Variants in TSPAN5 observed in about 807,000 individuals in gnomAD.
TSPAN5 encodes tetraspanin-5.
In TSPAN5, 10 loss-of-function variants were observed where a neutral mutation model predicts 37.1. That is an observed-to-expected ratio of 0.27 (90% CI 0.17 to 0.46). The LOEUF (loss-of-function observed/expected upper bound fraction) is 0.46. Ranked by LOEUF, TSPAN5 falls within the 20% of genes least tolerant of loss-of-function variation. The probability of loss-of-function intolerance (pLI) is 1.00; values close to 1 mark genes in which losing one functional copy is unlikely to be tolerated. For synonymous variants in TSPAN5, 110 were observed against 118.9 expected, an observed-to-expected ratio of 0.93 and a Z score of 0.48; for missense variants, 195 against 326.6, an observed-to-expected ratio of 0.60 and a Z score of 3.11.
At chr4:98,655,890 G>A (rs539839054) in intron 1 of TSPAN5, among the ~76,000 whole-genome samples, 1 of 152,328 alleles carries the variant, frequency 6.6e-6, no homozygotes, top group East Asian at 1.9e-4. Context: ...GAGGCAGAGA[G>A]CAGGATAGGA....
chr4:98,588,275 C>T (rs1200766661), intron 1 of TSPAN5, among the ~76,000 whole-genome samples: 1 of 152,042 alleles, frequency 6.6e-6, no homozygotes, highest in South Asian at 2.1e-4. Flanking sequence ...GCCAAGTGTG[C>T]CGATGTCACA....
intron 1 of TSPAN5, among the ~76,000 whole-genome samples, chr4:98,515,036 C>A (rs1323855586): frequency 6.6e-6 from 1 of 152,104 alleles, no homozygotes; most frequent in African/African-American, 2.4e-5. Flanking sequence ...AAGAAAGTGA[C>A]ATATAAGCAA....
intron 1 of TSPAN5, among the ~76,000 whole-genome samples, chr4:98,542,232 C>A (rs973041618): frequency 6.6e-6 from 1 of 152,252 alleles, no homozygotes; most frequent in Non-Finnish European, 1.5e-5. Flanking sequence ...GCCAACACAT[C>A]TGCTCACATC....
At chr4:98,657,835 T>G in intron 1 of TSPAN5, 1 of 349,640 alleles carries the variant, frequency 2.9e-6, no homozygotes, top group South Asian at 2.9e-5. Context: ...TTCGTGTGGT[T>G]GCTCATTTCT....
chr4:98,627,238 G>A (rs1756627710), intron 1 of TSPAN5, among the ~76,000 whole-genome samples: 1 of 152,170 alleles, frequency 6.6e-6, no homozygotes, highest in South Asian at 2.1e-4. Flanking sequence ...GAATGAAGGA[G>A]ACTGGAAAGA....
intron 1 of TSPAN5, among the ~76,000 whole-genome samples, chr4:98,576,211 CCCT>C (rs1275767642): frequency 1.3e-5 from 2 of 151,968 alleles, no homozygotes; most frequent in Non-Finnish European, 2.9e-5. Context: ...TCCTCTTTCC[CCCT>C]CAATTCATGT....
chr4:98,541,391 T>G (rs1430616678), intron 1 of TSPAN5, among the ~76,000 whole-genome samples: 1 of 152,024 alleles, frequency 6.6e-6, no homozygotes, highest in African/African-American at 2.4e-5. Context: ...AAATGTGGGA[T>G]AGGCTGGGCA....
chr4:98,599,621 G>A (rs1755838294), intron 1 of TSPAN5, among the ~76,000 whole-genome samples: 1 of 152,154 alleles, frequency 6.6e-6, no homozygotes, highest in African/African-American at 2.4e-5. Flanking sequence ...CCACTGATTT[G>A]CTTTCTGTAC....
intron 1 of TSPAN5, among the ~76,000 whole-genome samples, chr4:98,573,432 G>A (rs988380701): frequency 6.6e-6 from 1 of 152,166 alleles, no homozygotes. Flanking sequence ...TACAGATAGA[G>A]TCTATGTTGC....
intron 2 of TSPAN5, among the ~76,000 whole-genome samples, chr4:98,498,001 T>C (rs1260541506): frequency 6.6e-6 from 1 of 152,210 alleles, no homozygotes; most frequent in Non-Finnish European, 1.5e-5. Flanking sequence ...TTTCTGAATT[T>C]AGAAGCCCGC....
At chr4:98,619,812 G>A (rs933081356) in intron 1 of TSPAN5, among the ~76,000 whole-genome samples, 7 of 152,156 alleles carry the variant, frequency 4.6e-5, no homozygotes, top group Admixed American at 1.3e-4. Flanking sequence ...CAGATTCAGC[G>A]TCTGGCGAGG....
chr4:98,489,217 G>C (rs892620986), intron 2 of TSPAN5, among the ~76,000 whole-genome samples: 4 of 152,178 alleles, frequency 2.6e-5, no homozygotes, highest in African/African-American at 9.7e-5. Flanking sequence ...GGACTAGCTG[G>C]ATTTCCCAGG....
At chr4:98,548,257 A>G (rs564562300) in intron 1 of TSPAN5, among the ~76,000 whole-genome samples, 3 of 152,304 alleles carry the variant, frequency 2.0e-5, no homozygotes, top group African/African-American at 7.2e-5. Flanking sequence ...CACCTACTGA[A>G]AAACAAAACC....
intron 1 of TSPAN5, among the ~76,000 whole-genome samples, chr4:98,621,507 A>G (rs1200154859): frequency 6.6e-6 from 1 of 151,664 alleles, no homozygotes; most frequent in Non-Finnish European, 1.5e-5. Context: ...AGCTGGGACT[A>G]CAGGCAACCG....
At chr4:98,510,210 C>T (rs765319196) in intron 1 of TSPAN5, among the ~76,000 whole-genome samples, 4 of 152,176 alleles carry the variant, frequency 2.6e-5, no homozygotes, top group African/African-American at 4.8e-5. Flanking sequence ...GTTTAAATAA[C>T]TTGCTCAGAG....
At chr4:98,592,347 C>G (rs1004600986) in intron 1 of TSPAN5, among the ~76,000 whole-genome samples, 1 of 149,836 alleles carries the variant, frequency 6.7e-6, no homozygotes, top group Non-Finnish European at 1.5e-5. Flanking sequence ...TCAAAATGAG[C>G]CAGTATTCAA....
rs1472668570 is a variant in TSPAN5 at position 98,586,278 on chromosome 4, CAT to C, written c.81+71866_81+71867del. On this transcript the variant is annotated intron_variant, in intron 1 of 7. Transcript: ENST00000305798. ...TTTTGAAAATGTTACCAAAATAATA[CAT>C]GTTTCTCACTTTTTCTCCTTCCTCT... Among the ~76,000 whole-genome samples the C allele has an allele frequency of 3.3e-5, 5 of 152,240 alleles. No individual in the cohort carries two copies. The South Asian group carries it at 1.0e-3, about 32-fold the overall frequency.
chr4:98,571,072 C>T (rs531817073), intron 1 of TSPAN5, among the ~76,000 whole-genome samples: 1 of 152,182 alleles, frequency 6.6e-6, no homozygotes, highest in East Asian at 1.9e-4. Context: ...GTCAATGGAC[C>T]ACTTGTCTAT....
intron 1 of TSPAN5, among the ~76,000 whole-genome samples, chr4:98,599,142 TTTTA>T (rs1755825498): frequency 6.6e-6 from 1 of 152,178 alleles, no homozygotes; most frequent in Non-Finnish European, 1.5e-5. Context: ...TTTAATTTTT[TTTTA>T]TTTTTGTTTT....
Sources: gnomAD v4.1 joint callset for allele counts (sites outside exome capture counted in the v4.1 genomes callset) on GRCh38, gnomAD v4.1.1 for gene constraint, MANE v1.5 for transcripts, NCBI Gene and HGNC (gene_info 2026-07-23, HGNC 2026-07-21) for gene names.